Variants in GPC6 observed in about 807,000 individuals in gnomAD.
GPC6 encodes glypican 6.
A neutral mutation model predicts 55.2 loss-of-function variants in GPC6; 14 were observed. The ratio of observed to expected loss-of-function variants is 0.25; its 90% CI spans 0.17 to 0.40. The LOEUF is 0.40. GPC6 is among the 10% of genes least tolerant of loss of function. GPC6 has a pLI of 1.00. For synonymous variants in GPC6, 278 were observed against 259.6 expected (o/e 1.07, Z -0.68); for missense variants, 641 against 708.5 (o/e 0.90, Z 1.08).
intron 5 of GPC6, among the ~76,000 whole-genome samples, chr13:94,296,302 C>T (rs1161147663): frequency 6.6e-6 from 1 of 152,120 alleles, no homozygotes; most frequent in Admixed American, 6.6e-5. Flanking sequence ...TTTGCTTTCA[C>T]TTTAACTTCA....
intron 4 of GPC6, among the ~76,000 whole-genome samples, chr13:94,160,252 A>G (rs1023358247): frequency 5.3e-5 from 8 of 152,210 alleles, no homozygotes; most frequent in African/African-American, 1.7e-4. Flanking sequence ...AGCCATGTGT[A>G]TACAAGAAAA....
chr13:94,099,163 A>G (rs1885766381), intron 4 of GPC6, among the ~76,000 whole-genome samples: 1 of 152,186 alleles, frequency 6.6e-6, no homozygotes, highest in African/African-American at 2.4e-5. Flanking sequence ...ACTCATTGTA[A>G]TAATTCATCT....
chr13:93,425,076 G>A (rs1877073564), intron 1 of GPC6, among the ~76,000 whole-genome samples: 1 of 151,986 alleles, frequency 6.6e-6, no homozygotes, highest in East Asian at 1.9e-4. Flanking sequence ...TTGGGTGCAA[G>A]ATTCAAAAAG....
chr13:93,343,362 C>T (rs1402609040), intron 1 of GPC6, among the ~76,000 whole-genome samples: 1 of 152,042 alleles, frequency 6.6e-6, no homozygotes, highest in Admixed American at 6.6e-5. Flanking sequence ...CAGCTCTTGG[C>T]CAGAGACCAT....
chr13:94,077,250 G>T (rs1884948146), intron 4 of GPC6, among the ~76,000 whole-genome samples: 1 of 151,638 alleles, frequency 6.6e-6, no homozygotes, highest in African/African-American at 2.4e-5. Context: ...TATTGTTAAT[G>T]GGATTACTTC....
intron 4 of GPC6, among the ~76,000 whole-genome samples, chr13:94,278,893 T>C (rs1015964968): frequency 3.3e-5 from 5 of 152,132 alleles, no homozygotes; most frequent in Admixed American, 1.3e-4. Flanking sequence ...TGGCCTGAAG[T>C]TTTCTTTTTT....
intron 2 of GPC6, among the ~76,000 whole-genome samples, chr13:93,801,469 C>T (rs562252162): frequency 6.6e-5 from 10 of 152,090 alleles, no homozygotes; most frequent in Non-Finnish European, 1.5e-4. Flanking sequence ...TGGTGAGACA[C>T]TGTCGAAATG....
chr13:93,548,008 G>A (rs1874924628), intron 2 of GPC6, among the ~76,000 whole-genome samples: 1 of 152,094 alleles, frequency 6.6e-6, no homozygotes, highest in East Asian at 1.9e-4. Flanking sequence ...ACTCTCTCAT[G>A]TCACTTATTG....
At chr13:93,229,156 C>G (rs1024460809) in intron 1 of GPC6, among the ~76,000 whole-genome samples, 1 of 152,134 alleles carries the variant, frequency 6.6e-6, no homozygotes, top group Non-Finnish European at 1.5e-5. Context: ...GCGACTGTCC[C>G]CACAGCTCCT....
intron 1 of GPC6, among the ~76,000 whole-genome samples, chr13:93,439,341 G>A (rs893703340): frequency 6.6e-6 from 1 of 152,054 alleles, no homozygotes; most frequent in African/African-American, 2.4e-5. Flanking sequence ...GGTATCTGGT[G>A]GGAGGTAATT....
At chr13:93,809,643 T>C (rs1047228967) in intron 2 of GPC6, among the ~76,000 whole-genome samples, 1 of 152,218 alleles carries the variant, frequency 6.6e-6, no homozygotes, top group African/African-American at 2.4e-5. Context: ...CCCTGCTCGT[T>C]GGCCTCTATT....
chr13:93,300,828 T>A (rs9561301), intron 1 of GPC6, among the ~76,000 whole-genome samples: 1 of 151,982 alleles, frequency 6.6e-6, no homozygotes, highest in East Asian at 1.9e-4. Context: ...GAGACCAGTC[T>A]GACCAACATG....
chr13:93,971,196 C>T (rs773693129), intron 3 of GPC6, among the ~76,000 whole-genome samples: 1 of 152,156 alleles, frequency 6.6e-6, no homozygotes, highest in Non-Finnish European at 1.5e-5. Flanking sequence ...AACTCTTTTA[C>T]TTTACATGAC....
intron 2 of GPC6, among the ~76,000 whole-genome samples, chr13:93,655,849 C>T (rs530990332): frequency 3.3e-5 from 5 of 152,280 alleles, no homozygotes; most frequent in African/African-American, 1.2e-4. Context: ...GCACAGTTTT[C>T]ACCAAAATGT....
intron 2 of GPC6, among the ~76,000 whole-genome samples, chr13:93,756,295 G>T (rs550241267): frequency 5.3e-5 from 8 of 152,154 alleles, no homozygotes; most frequent in Non-Finnish European, 1.2e-4. Context: ...AGTAACTTGT[G>T]GTCATTGTGA....
chr13:93,575,446 A>G (rs1266507800), intron 2 of GPC6, among the ~76,000 whole-genome samples: 1 of 152,186 alleles, frequency 6.6e-6, no homozygotes, highest in East Asian at 1.9e-4. Flanking sequence ...TAGAATACAC[A>G]CTGTGGACCC....
intron 1 of GPC6, among the ~76,000 whole-genome samples, chr13:93,517,718 G>A (rs2590528): frequency 0.94 from 143,325 of 152,020 alleles, 68,130 homozygotes; most frequent in East Asian, 1. Flanking sequence ...TATTGTGGGT[G>A]TTAACCTATC....
At chr13:93,489,438 T>G (rs1438413772) in intron 1 of GPC6, among the ~76,000 whole-genome samples, 1 of 151,456 alleles carries the variant, frequency 6.6e-6, no homozygotes, top group East Asian at 2.2e-4. Flanking sequence ...GGCTTAGGAT[T>G]GTCTTGGCAA....
chr13:93,548,594 C>G (rs1032384343), intron 2 of GPC6, among the ~76,000 whole-genome samples: 1 of 151,960 alleles, frequency 6.6e-6, no homozygotes, highest in Non-Finnish European at 1.5e-5. Flanking sequence ...CTTTCTCTGT[C>G]TTTTTTAAAT....
Sources: gnomAD v4.1 joint callset for allele counts (sites outside exome capture counted in the v4.1 genomes callset) on GRCh38, gnomAD v4.1.1 for gene constraint, MANE v1.5 for transcripts, NCBI Gene and HGNC (gene_info 2026-07-23, HGNC 2026-07-21) for gene names.